Variants in RASGRF2 observed in about 807,000 individuals in gnomAD.
RASGRF2 encodes the protein ras-specific guanine nucleotide-releasing factor 2.
In RASGRF2, 76 loss-of-function variants were observed where a neutral mutation model predicts 151.0. That is an observed-to-expected ratio of 0.50 (90% CI 0.42 to 0.61). RASGRF2 has a LOEUF of 0.61. Among genes scored for constraint, RASGRF2 ranks in the 20% least tolerant of loss-of-function variants. The pLI is 0.00. For synonymous variants in RASGRF2, 504 were observed against 566.5 expected (o/e 0.89, Z 1.57); for missense variants, 1,148 against 1,564.6 (o/e 0.73, Z 4.49).
At chr5:81,051,433 A>C (rs977536259) in intron 2 of RASGRF2, among the ~76,000 whole-genome samples, 1 of 152,186 alleles carries the variant, frequency 6.6e-6, no homozygotes, top group African/African-American at 2.4e-5. Context: ...CTAATTTCGG[A>C]GCATTTTCAA....
intron 17 of RASGRF2, among the ~76,000 whole-genome samples, chr5:81,173,393 C>A (rs1754703356): frequency 6.6e-6 from 1 of 152,064 alleles, no homozygotes; most frequent in South Asian, 2.1e-4. Flanking sequence ...AATAAATAAA[C>A]AAATAAAGAT....
At chr5:81,216,445 T>C (rs535973277) in intron 24 of RASGRF2, among the ~76,000 whole-genome samples, 1 of 151,908 alleles carries the variant, frequency 6.6e-6, no homozygotes, top group East Asian at 1.9e-4. Context: ...GGTATTCTCA[T>C]GATCTACCAC....
intron 1 of RASGRF2, among the ~76,000 whole-genome samples, chr5:80,975,519 T>A (rs1748084375): frequency 6.6e-6 from 1 of 152,176 alleles, no homozygotes; most frequent in African/African-American, 2.4e-5. Context: ...TGTTAATTAC[T>A]TCTAGCTCAA....
At chr5:81,058,306 A>G (rs1471939301) in intron 2 of RASGRF2, among the ~76,000 whole-genome samples, 1 of 152,164 alleles carries the variant, frequency 6.6e-6, no homozygotes, top group Non-Finnish European at 1.5e-5. Flanking sequence ...AACATTTTAA[A>G]ACTTGAGTAC....
intron 17 of RASGRF2, among the ~76,000 whole-genome samples, chr5:81,139,234 G>T (rs1175997889): frequency 1.3e-5 from 2 of 151,964 alleles, no homozygotes; most frequent in Non-Finnish European, 2.9e-5. Flanking sequence ...ATTTTTCTAG[G>T]TTGTCTTGTT....
At chr5:81,156,317 C>T (rs1044092426) in intron 17 of RASGRF2, among the ~76,000 whole-genome samples, 1 of 152,130 alleles carries the variant, frequency 6.6e-6, no homozygotes, top group Non-Finnish European at 1.5e-5. Flanking sequence ...ACAAAATCTT[C>T]CAGAAAATGG....
chr5:81,080,446 C>A, intron 6 of RASGRF2, 150 bp from the exon 7 acceptor site: 1 of 1,033,612 alleles, frequency 9.7e-7, no homozygotes, highest in Non-Finnish European at 1.4e-6. Flanking sequence ...CCCATGAGTG[C>A]ATTCTACCAG....
chr5:81,014,693 G>A (rs1170931426), intron 1 of RASGRF2, among the ~76,000 whole-genome samples: 3 of 152,084 alleles, frequency 2.0e-5, no homozygotes, highest in Non-Finnish European at 4.4e-5. Context: ...TTAAAATAAG[G>A]AATGTTCCTA....
chr5:80,970,886 A>G (rs1315955531), intron 1 of RASGRF2, among the ~76,000 whole-genome samples: 1 of 152,216 alleles, frequency 6.6e-6, no homozygotes, highest in African/African-American at 2.4e-5. Context: ...GATAGGCCAC[A>G]TTCTCTTCCT....
chr5:81,046,441 C>T (rs1750839286), intron 2 of RASGRF2, among the ~76,000 whole-genome samples: 1 of 151,822 alleles, frequency 6.6e-6, no homozygotes, highest in East Asian at 1.9e-4. Context: ...TTGACCAGTC[C>T]AAGAAGCTCA....
At chr5:80,994,331 A>C (rs1053126436) in intron 1 of RASGRF2, among the ~76,000 whole-genome samples, 10 of 142,236 alleles carry the variant, frequency 7.0e-5, no homozygotes, top group Non-Finnish European at 1.3e-4. Context: ...GCACCACTGC[A>C]CTCCAGCCTG....
chr5:81,034,683 G>A (rs1255815941), intron 1 of RASGRF2, among the ~76,000 whole-genome samples: 2 of 150,888 alleles, frequency 1.3e-5, no homozygotes, highest in Non-Finnish European at 2.9e-5. Context: ...ATCATTCTCA[G>A]TAAACTATCG....
At chr5:81,205,986 T>A (rs1341104431) in intron 19 of RASGRF2, among the ~76,000 whole-genome samples, 2 of 152,156 alleles carry the variant, frequency 1.3e-5, no homozygotes, top group African/African-American at 4.8e-5. Context: ...CCTGACCTCA[T>A]GATCTGCCCT....
At chr5:80,966,922 A>C (rs1250048258) in intron 1 of RASGRF2, among the ~76,000 whole-genome samples, 1 of 152,230 alleles carries the variant, frequency 6.6e-6, no homozygotes, top group Non-Finnish European at 1.5e-5. Flanking sequence ...AATATACTAC[A>C]GTGTTTCTTT....
intron 2 of RASGRF2, among the ~76,000 whole-genome samples, chr5:81,064,881 A>G (rs1751550725): frequency 6.6e-6 from 1 of 152,196 alleles, no homozygotes; most frequent in Non-Finnish European, 1.5e-5. Flanking sequence ...AGAGTTACTG[A>G]AGATATCATT....
intron 9 of RASGRF2, among the ~76,000 whole-genome samples, chr5:81,091,430 C>G (rs959053478): frequency 1.3e-5 from 2 of 152,098 alleles, no homozygotes; most frequent in African/African-American, 2.4e-5. Context: ...TCCCCAATCC[C>G]ACACCCTCAC....
chr5:81,146,901 A>G (rs1004184999), intron 17 of RASGRF2, among the ~76,000 whole-genome samples: 9 of 152,172 alleles, frequency 5.9e-5, no homozygotes. Context: ...AAAATCTTCA[A>G]TTGGTTATAT....
At chr5:81,110,926 G>A (rs1262002417) in intron 13 of RASGRF2, among the ~76,000 whole-genome samples, 6 of 152,130 alleles carry the variant, frequency 3.9e-5, no homozygotes, top group East Asian at 1.9e-4. Context: ...TCAAGCTAAC[G>A]GGCCACCCCA....
intron 12 of RASGRF2, 65 bp from the exon 13 acceptor site, chr5:81,108,931 T>C (rs1752921384): frequency 6.5e-7 from 1 of 1,543,538 alleles, no homozygotes; most frequent in Admixed American, 1.9e-5. Context: ...TATAAACAAT[T>C]GTGGGAATAT....
Sources: gnomAD v4.1 joint callset for allele counts (sites outside exome capture counted in the v4.1 genomes callset) on GRCh38, gnomAD v4.1.1 for gene constraint, MANE v1.5 for transcripts, NCBI Gene and HGNC (gene_info 2026-07-23, HGNC 2026-07-21) for gene names.